MPDZ: variants seen among roughly 807,000 people sequenced by gnomAD.
MPDZ encodes the protein multiple PDZ domain protein.
A neutral mutation model predicts 239.1 loss-of-function variants in MPDZ; 234 were observed. The ratio of observed to expected loss-of-function variants is 0.98; its 90% CI spans 0.88 to 1.09. The LOEUF (loss-of-function observed/expected upper bound fraction) is 1.09, where lower values mean the gene tolerates loss of function less well. MPDZ is among the 50% of genes least tolerant of loss of function. MPDZ has a pLI of 0.00. For missense variants in MPDZ, 3,175 were observed against 2,510.0 expected, an observed-to-expected ratio of 1.26 and a Z score of -5.66; for synonymous variants, 1,048 against 881.3, an observed-to-expected ratio of 1.19 and a Z score of -3.35.
chr9:13,155,640 T>C (rs906153423), intron 24 of MPDZ, among the ~76,000 whole-genome samples: 8 of 152,170 alleles, frequency 5.3e-5, no homozygotes, highest in African/African-American at 1.9e-4. Flanking sequence ...ACAGCCCATT[T>C]TATAATCTTA....
rs1253308912 is a variant in MPDZ at position 13,186,340 on chromosome 9, A to C, written c.2411T>G (p.Leu804Arg). The change falls in exon 18 of 47, where the codon CTC (leucine) becomes CGC (arginine). Residue 804 changes from leucine to arginine, a missense_variant. Coordinates refer to ENST00000319217, the MANE Select transcript of MPDZ (RefSeq NM_001378778.1). ...GYVSAKEDSFLYPPHSCEEAG... is the reference protein window; with the variant it reads ...GYVSAKEDSFRYPPHSCEEAG... ...TTCCTCACAGGAGTGTGGTGGGTAG[A>C]GAAAGGAATCCTCCTTAGCAGAAAC... The C allele has an allele frequency of 1.9e-6, 3 of 1,593,534 alleles. No homozygotes were observed. The highest frequency in any genetic ancestry group is 2.6e-6 in the Non-Finnish European group (3 of 1,169,458).
At position 13,126,673 on chromosome 9, in the gene MPDZ, A is replaced by G; in HGVS notation, c.4557+7T>C. The G allele has an allele frequency of 1.2e-6, 2 of 1,613,380 alleles. No homozygotes were observed. The highest frequency in any genetic ancestry group is 1.7e-6 in the Non-Finnish European group (2 of 1,179,466). Reference sequence around the variant, plus strand: ...TACTTAATGACAGCAAGAAAGGTAAACCTCACCGTGGCTGCTACCCCATGC... The same window carrying G: ...TACTTAATGACAGCAAGAAAGGTAAGCCTCACCGTGGCTGCTACCCCATGC... On this transcript the variant is annotated splice_region_variant and intron_variant, in intron 33 of 46. Transcript: ENST00000319217.
rs1948610500 is a variant in MPDZ at position 13,147,641 on chromosome 9, G to A, written c.3648C>T (p.Leu1216=). 1.9e-6 allele frequency: 3 copies of A among 1,611,948 alleles called. No homozygotes were observed. Residue 1216 remains leucine (L), a synonymous_variant, in exon 26 of 47, where the codon CTC becomes CTT. Coordinates refer to ENST00000319217, the MANE Select transcript of MPDZ (RefSeq NM_001378778.1). ...DRIVEVDGMD[L]RDASHEQAVE... is the part of the protein sequence containing the mutation. ...CAGCTTGTTCATGGCTTGCATCTCT[G>A]AGGTCCATTCCATCCACCTGCAATG... is the stretch of plus-strand genomic sequence containing the variant.
In MPDZ at chr9:13,222,347, T is replaced by C. The variant is rs1247937508; in HGVS notation, c.633A>G (p.Lys211=). ...TAACTAGCTGGACAGTATCTTTGGCTTTCTGCAGGATGCTGATAGCCTGCT... is the reference window on the plus strand; with the variant it reads ...TAACTAGCTGGACAGTATCTTTGGCCTTCTGCAGGATGCTGATAGCCTGCT... ...THQQAISILQ[K]AKDTVQLVIA... The change falls in exon 6 of 47, where the codon AAA becomes AAG. Residue 211 remains lysine, a synonymous_variant. Coordinates refer to ENST00000319217, the MANE Select transcript of MPDZ (RefSeq NM_001378778.1). The C allele has an allele frequency of 1.9e-6, 3 of 1,612,922 alleles. No individual in the cohort carries two copies. The highest frequency in any genetic ancestry group is 1.1e-5 in the South Asian group (1 of 91,066).
intron 3 of MPDZ, 105 bp downstream of exon 3, chr9:13,247,530 A>G: frequency 8.1e-7 from 1 of 1,228,040 alleles, no homozygotes; most frequent in East Asian, 2.5e-5. Flanking sequence ...TGACTTCATT[A>G]ACTATTCATT....
chr9:13,113,623 A>C (rs1215053492), intron 41 of MPDZ, among the ~76,000 whole-genome samples: 2 of 152,154 alleles, frequency 1.3e-5, no homozygotes, highest in Non-Finnish European at 2.9e-5. Flanking sequence ...GCATCTTCTG[A>C]TTTACTGGTG....
At chr9:13,140,224 T>C in intron 27 of MPDZ, 75 bp from the exon 28 acceptor site, 1 of 1,470,540 alleles carries the variant, frequency 6.8e-7, no homozygotes. Context: ...AATAAGAGTA[T>C]ACTGTCAAAA....
At chr9:13,177,498 T>C (rs988749577) in intron 19 of MPDZ, among the ~76,000 whole-genome samples, 3 of 152,138 alleles carry the variant, frequency 2.0e-5, no homozygotes, top group Non-Finnish European at 4.4e-5. Context: ...CAGATATACA[T>C]ATATATTTTT....
At chr9:13,265,686 T>C (rs1178031883) in intron 1 of MPDZ, among the ~76,000 whole-genome samples, 1 of 152,192 alleles carries the variant, frequency 6.6e-6, no homozygotes, top group East Asian at 1.9e-4. Flanking sequence ...GAGGTGATAG[T>C]ACAAAACATG....
intron 10 of MPDZ, among the ~76,000 whole-genome samples, chr9:13,207,070 T>C (rs1315540297): frequency 6.6e-6 from 1 of 152,152 alleles, no homozygotes; most frequent in Non-Finnish European, 1.5e-5. Flanking sequence ...TTAAAAGGTA[T>C]AGAAGACAGT....
intron 1 of MPDZ, among the ~76,000 whole-genome samples, chr9:13,272,542 G>A (rs745624645): frequency 2.6e-5 from 4 of 151,742 alleles, no homozygotes; most frequent in South Asian, 4.2e-4. Flanking sequence ...GAATCATATC[G>A]ATGAGGCCCC....
At chr9:13,165,646 T>C (rs1287117611) in intron 22 of MPDZ, 1 of 431,434 alleles carries the variant, frequency 2.3e-6, no homozygotes, top group East Asian at 3.5e-5. Flanking sequence ...GCAATCAGTC[T>C]TTTATTCCTT....
intron 26 of MPDZ, among the ~76,000 whole-genome samples, chr9:13,144,378 G>C (rs1390695452): frequency 1.3e-5 from 2 of 151,908 alleles, no homozygotes; most frequent in Non-Finnish European, 2.9e-5. Context: ...TTAAAGTCAG[G>C]ATGACTGCCA....
chr9:13,119,720 T>TA (rs776369667), intron 38 of MPDZ, 71 bp from the exon 39 acceptor site: 13 of 1,585,658 alleles, frequency 8.2e-6, no homozygotes, highest in Non-Finnish European at 1.1e-5. Context: ...AATAAAAAGT[T>TA]ACGTTTTTAC....
chr9:13,236,249 G>GTGTGTA (rs1329605248), intron 3 of MPDZ, among the ~76,000 whole-genome samples: 2 of 35,864 alleles, frequency 5.6e-5, no homozygotes, highest in African/African-American at 2.3e-4. Context: ...GTGTGTGTGT[G>GTGTGTA]TATATATATA....
chr9:13,150,311 A>C (rs529185717), intron 25 of MPDZ, among the ~76,000 whole-genome samples, 200 bp downstream of exon 25: 1 of 152,188 alleles, frequency 6.6e-6, no homozygotes, highest in Non-Finnish European at 1.5e-5. Context: ...GAAATAATTT[A>C]TCCACACACA....
chr9:13,271,757 A>G (rs1156260540), intron 1 of MPDZ, among the ~76,000 whole-genome samples: 3 of 152,220 alleles, frequency 2.0e-5, no homozygotes, highest in South Asian at 2.1e-4. Context: ...GGAGAGTTCT[A>G]AATGACTTAA....
In MPDZ at chr9:13,122,196, A is replaced by G. The variant is rs750720941; in HGVS notation, c.4954-26T>C. ...CTAAGGGCCCAAACAAAACATACCC[A>G]TACTTATCCCATTCTCCTAGGAATG... On this transcript the variant is annotated intron_variant, in intron 36 of 46. Transcript: ENST00000319217. 1.6e-5 allele frequency: 26 copies of G among 1,600,670 alleles called. No homozygotes were observed. The Middle Eastern group carries it at 5.0e-4, about 31-fold the overall frequency.
At chr9:13,147,741 T>C (rs1418010584) in intron 25 of MPDZ, 83 bp from the exon 26 acceptor site, 1 of 944,530 alleles carries the variant, frequency 1.1e-6, no homozygotes, top group Non-Finnish European at 1.6e-6. Flanking sequence ...TTAGGGATAC[T>C]TGGTTAGACT....
Sources: allele counts gnomAD v4.1 joint callset (sites outside exome capture counted in the v4.1 genomes callset), GRCh38; gene constraint gnomAD v4.1.1; transcripts MANE v1.5; gene names NCBI Gene and HGNC (gene_info 2026-07-23, HGNC 2026-07-21).